The following MISP3 variants were observed in gnomAD, a reference collection of about 807,000 sequenced individuals.
The protein encoded by MISP3 is uncharacterized protein MISP3.
In MISP3, 9 loss-of-function variants were observed where a neutral mutation model predicts 5.5. The observed-to-expected ratio is 1.65, with a 90% CI of 0.99 to 2.87. The LOEUF is 2.87. MISP3 is among the 30% of genes most tolerant of loss of function. MISP3 has a pLI of 0.00. For missense variants in MISP3, 152 were observed against 84.1 expected (o/e 1.81, Z -3.16); for synonymous variants, 87 against 38.1 (o/e 2.28, Z -4.73).
chr19:14,074,585 C>A lies in MISP3; in HGVS notation c.643-121C>A. On this transcript the variant is annotated intron_variant, in intron 2 of 2. Transcript: ENST00000587086. The surrounding 1 kb of genome is among the most constrained non-coding windows in gnomAD (Gnocchi z 4.4). ...AGGGCCACTCTGGTCAGAACTCAGT[C>A]TGGGACGCATCCCCGGGGTGAAGAG... is the stretch of plus-strand genomic sequence containing the variant. 1 of 684,036 alleles carries A rather than the reference C, an allele frequency of 1.5e-6. No individual in the cohort carries two copies. Among genetic ancestry groups the A allele is most frequent in the Non-Finnish European group, 2.7e-6 (1 of 370,308 alleles). 42.4% of individuals were successfully genotyped at this position (684,036 alleles called of 1,614,324 possible). A position where few individuals can be genotyped will look rare whatever the true frequency, so the allele number is the denominator to read the frequency against.
Position 14,072,969 on chromosome 19 carries a change from G to A in MISP3, c.-341G>A. On this transcript the variant is annotated 5_prime_UTR_variant, in exon 1 of 3. Coordinates refer to ENST00000587086, the MANE Select transcript of MISP3 (RefSeq NM_001291291.2). This position sits in a 1 kb window ranked among gnomAD's most constrained non-coding sequence, Gnocchi z 6.8. ...TGAAGAGGAGGGCCAGGAGTCCCCA[G>A]GGCCAGACAGCGAAGCCCCAGAGCT... is the stretch of plus-strand genomic sequence containing the variant. 1 of 477,560 alleles carries A rather than the reference G, an allele frequency of 2.1e-6. No homozygotes were observed. The highest frequency in any genetic ancestry group is 4.1e-6 in the Non-Finnish European group (1 of 241,054). The allele number at this position is 477,560 out of a possible 1,614,324, so 29.6% of individuals were successfully genotyped here.
rs1293990392 is a variant in MISP3, at chr19:14,073,924, C to T, written c.568+47C>T. On this transcript the variant is annotated intron_variant, in intron 1 of 2. Transcript: ENST00000587086. The surrounding 1 kb of genome is among the most constrained non-coding windows in gnomAD (Gnocchi z 8.5). ...GCCGGGACCCCCAGGGTTCCAGCCG[C>T]CCCCACCGATTGCCCAACTTCAGTG... 1 of 688,992 alleles carries T rather than the reference C, an allele frequency of 1.5e-6. No homozygotes were observed. Among genetic ancestry groups the T allele is most frequent in the Non-Finnish European group, 2.6e-6 (1 of 379,384 alleles). The allele number at this position is 688,992 out of a possible 1,614,324, so 42.7% of individuals were successfully genotyped here. A position where few individuals can be genotyped will look rare whatever the true frequency, so the allele number is the denominator to read the frequency against.
In MISP3 at chr19:14,072,858, C is replaced by A; in HGVS notation, c.-452C>A. 1 of 388,170 alleles carries A rather than the reference C, an allele frequency of 2.6e-6. No individual in the cohort carries two copies. The highest frequency in any genetic ancestry group is 1.9e-5 in the South Asian group (1 of 53,864). The allele number at this position is 388,170 out of a possible 1,614,324, so 24.0% of individuals were successfully genotyped here. ...TGTCCTCGCTCTGGGAATCAAAACC[C>A]CGGTTGGGAACTGAGGCTTCCGAAC... is the stretch of plus-strand genomic sequence containing the variant. On this transcript the variant is annotated 5_prime_UTR_variant, in exon 1 of 3. Transcript: ENST00000587086. This position sits in a 1 kb window ranked among gnomAD's most constrained non-coding sequence, Gnocchi z 6.8.
At position 14,074,557 on chromosome 19, in the gene MISP3, T is replaced by C. The variant is rs1976658201; in HGVS notation, c.642+94T>C. On this transcript the variant is annotated intron_variant, in intron 2 of 2. Coordinates refer to ENST00000587086, the MANE Select transcript of MISP3 (RefSeq NM_001291291.2). This position sits in a 1 kb window ranked among gnomAD's most constrained non-coding sequence, Gnocchi z 4.4. ...TTGGTGGGGAAAAGTGCATCCTCCC[T>C]GGAGGGCCACTCTGGTCAGAACTCA... 2 of 682,840 alleles carry C rather than the reference T, an allele frequency of 2.9e-6. No homozygotes were observed. Among genetic ancestry groups the C allele is most frequent in the African/African-American group, 3.5e-5 (2 of 56,850 alleles). The allele number at this position is 682,840 out of a possible 1,614,324, so 42.3% of individuals were successfully genotyped here.
chr19:14,073,138 T>C lies in MISP3; in HGVS notation c.-172T>C. On this transcript the variant is annotated 5_prime_UTR_variant, in exon 1 of 3. Coordinates refer to ENST00000587086, the MANE Select transcript of MISP3 (RefSeq NM_001291291.2). This position sits in a 1 kb window ranked among gnomAD's most constrained non-coding sequence, Gnocchi z 8.5. The stretch of plus-strand genomic sequence containing the variant: ...CCACAGCTGCGGGCTTTGAGAGTCC[T>C]GAGCCAGGCAGAGACGACCCTGGGC... 1 of 666,034 alleles carries C rather than the reference T, an allele frequency of 1.5e-6. No homozygotes were observed. The highest frequency in any genetic ancestry group is 2.8e-6 in the Non-Finnish European group (1 of 361,346). 41.3% of individuals were successfully genotyped at this position (666,034 alleles called of 1,614,324 possible).
Position 14,074,422 on chromosome 19 carries a change from TG to T in MISP3, c.603del (p.Trp201CysfsTer22), listed in dbSNP as rs1568515321. 1.4e-6 allele frequency: 1 copy of T among 702,742 alleles called. No individual in the cohort carries two copies. Among genetic ancestry groups the T allele is most frequent in the African/African-American group, 1.7e-5 (1 of 57,352 alleles). The allele number at this position is 702,742 out of a possible 1,614,324, so 43.5% of individuals were successfully genotyped here. A position where few individuals can be genotyped will look rare whatever the true frequency, so the allele number is the denominator to read the frequency against. ...GGGCGACGGAAAGTTGGTGGTGATC[TG>T]GCCCCCCCGCAGAAAGGTCTCGGAG... ...SRGDGKLVVI[W>X]PPRRKVSENG... On this transcript the variant is annotated frameshift_variant, in exon 2 of 3. Coordinates refer to ENST00000587086, the MANE Select transcript of MISP3 (RefSeq NM_001291291.2). LOFTEE classifies it high-confidence loss of function. This position sits in a 1 kb window ranked among gnomAD's most constrained non-coding sequence, Gnocchi z 4.4.
At position 14,074,699 on chromosome 19, in the gene MISP3, T is replaced by A; in HGVS notation, c.643-7T>A. The A allele has an allele frequency of 1.4e-6, 1 of 702,066 alleles. No individual in the cohort carries two copies. Among genetic ancestry groups the A allele is most frequent in the South Asian group, 1.5e-5 (1 of 67,562 alleles). 43.5% of individuals were successfully genotyped at this position (702,066 alleles called of 1,614,324 possible). On this transcript the variant is annotated splice_polypyrimidine_tract_variant and splice_region_variant and intron_variant, in intron 2 of 2. Transcript: ENST00000587086. The surrounding 1 kb of genome is among the most constrained non-coding windows in gnomAD (Gnocchi z 4.4). ...GGCCGGCCTTCCTTCTGGTCCTCTG[T>A]CCCCAGGAGGAGCGCAAACCTTGAG...
rs1290388774 is a variant in MISP3 at position 14,073,845 on chromosome 19, C to T, written c.536C>T (p.Ala179Val). The T allele has an allele frequency of 1.7e-5, 12 of 701,960 alleles. No homozygotes were observed. The highest frequency in any genetic ancestry group is 2.9e-5 in the Non-Finnish European group (11 of 384,606). The allele number at this position is 701,960 out of a possible 1,614,324, so 43.5% of individuals were successfully genotyped here. ...CAGCGGCGCAGCGTCTATGGCACCG[C>T]GGAGTTCAAGGAGCCTACGCCGAGC... ...QRQRRSVYGT[A>V]EFKEPTPSLT... The change falls in exon 1 of 3, where the codon GCG (alanine) becomes GTG (valine). Residue 179 changes from alanine (A) to valine (V), a missense_variant. Coordinates refer to ENST00000587086, the MANE Select transcript of MISP3 (RefSeq NM_001291291.2). The surrounding 1 kb of genome is among the most constrained non-coding windows in gnomAD (Gnocchi z 8.5).
rs1976609430 is a variant in MISP3, at chr19:14,072,852, A to G, written c.-458A>G. ...GCCCTCTGTCCTCGCTCTGGGAATC[A>G]AAACCCCGGTTGGGAACTGAGGCTT... On this transcript the variant is annotated 5_prime_UTR_variant, in exon 1 of 3. Transcript: ENST00000587086. The surrounding 1 kb of genome is among the most constrained non-coding windows in gnomAD (Gnocchi z 6.8). 5 of 384,018 alleles carry G rather than the reference A, an allele frequency of 1.3e-5. No homozygotes were observed. The highest frequency in any genetic ancestry group is 9.4e-5 in the South Asian group (5 of 52,954). The allele number at this position is 384,018 out of a possible 1,614,324, so 23.8% of individuals were successfully genotyped here.
Position 14,074,278 on chromosome 19 carries a change from G to A in MISP3, c.569-112G>A. On this transcript the variant is annotated intron_variant, in intron 1 of 2. Coordinates refer to ENST00000587086, the MANE Select transcript of MISP3 (RefSeq NM_001291291.2). The surrounding 1 kb of genome is among the most constrained non-coding windows in gnomAD (Gnocchi z 4.4). ...GTTCCTGGGTGCCTGGAGTTGAATGGAGGCTTTCATGGGGAGGCGGAGGGT... is the reference window on the plus strand; with the variant it reads ...GTTCCTGGGTGCCTGGAGTTGAATGAAGGCTTTCATGGGGAGGCGGAGGGT... 1 of 641,132 alleles carries A rather than the reference G, an allele frequency of 1.6e-6. No individual in the cohort carries two copies. 39.7% of individuals were successfully genotyped at this position (641,132 alleles called of 1,614,324 possible). A position where few individuals can be genotyped will look rare whatever the true frequency, so the allele number is the denominator to read the frequency against.
chr19:14,073,953 C>T lies in MISP3; in HGVS notation c.568+76C>T. The stretch of plus-strand genomic sequence containing the variant: ...CACCGATTGCCCAACTTCAGTGGCC[C>T]CTCCTGTGGCCCTCCGATTCTCGGG... On this transcript the variant is annotated intron_variant, in intron 1 of 2. Coordinates refer to ENST00000587086, the MANE Select transcript of MISP3 (RefSeq NM_001291291.2). The surrounding 1 kb of genome is among the most constrained non-coding windows in gnomAD (Gnocchi z 8.5). 3 of 657,130 alleles carry T rather than the reference C, an allele frequency of 4.6e-6. No individual in the cohort carries two copies. The highest frequency in any genetic ancestry group is 8.2e-6 in the Non-Finnish European group (3 of 365,528). The allele number at this position is 657,130 out of a possible 1,614,324, so 40.7% of individuals were successfully genotyped here.
chr19:14,072,882 A>G lies in MISP3; in HGVS notation c.-428A>G, dbSNP rs1487107272. The G allele has an allele frequency of 1.2e-5, 5 of 424,616 alleles. No homozygotes were observed. The highest frequency in any genetic ancestry group is 1.1e-4 in the Admixed American group (4 of 35,746). The allele number at this position is 424,616 out of a possible 1,614,324, so 26.3% of individuals were successfully genotyped here. A position where few individuals can be genotyped will look rare whatever the true frequency, so the allele number is the denominator to read the frequency against. On this transcript the variant is annotated 5_prime_UTR_variant, in exon 1 of 3. Transcript: ENST00000587086. The surrounding 1 kb of genome is among the most constrained non-coding windows in gnomAD (Gnocchi z 6.8). ...CCCGGTTGGGAACTGAGGCTTCCGAACTGCTTCCAACCCTGGACACGAAGG... is the reference window on the plus strand; with the variant it reads ...CCCGGTTGGGAACTGAGGCTTCCGAGCTGCTTCCAACCCTGGACACGAAGG...
rs571247061 is a variant in MISP3 at position 14,073,086 on chromosome 19, A to G, written c.-224A>G. 233 of 629,340 alleles carry G rather than the reference A, an allele frequency of 3.7e-4. No homozygotes were observed. The African/African-American group carries it at 3.9e-3, about 11-fold the overall frequency. The allele number at this position is 629,340 out of a possible 1,614,324, so 39.0% of individuals were successfully genotyped here. On this transcript the variant is annotated 5_prime_UTR_variant, in exon 1 of 3. Transcript: ENST00000587086. The surrounding 1 kb of genome is among the most constrained non-coding windows in gnomAD (Gnocchi z 8.5). ...AGCGAAGTCCTCGAGCCATCAGTCG[A>G]GCAGGACGCAGAGAGCCCCGGGCTG...
At position 14,072,967 on chromosome 19, in the gene MISP3, C is replaced by T. The variant is rs1333287463; in HGVS notation, c.-343C>T. The T allele has an allele frequency of 8.4e-6, 4 of 476,360 alleles. No homozygotes were observed. The highest frequency in any genetic ancestry group is 4.6e-5 in the Admixed American group (2 of 43,040). 29.5% of individuals were successfully genotyped at this position (476,360 alleles called of 1,614,324 possible). A position where few individuals can be genotyped will look rare whatever the true frequency, so the allele number is the denominator to read the frequency against. ...TCTGAAGAGGAGGGCCAGGAGTCCC[C>T]AGGGCCAGACAGCGAAGCCCCAGAG... On this transcript the variant is annotated 5_prime_UTR_variant, in exon 1 of 3. Coordinates refer to ENST00000587086, the MANE Select transcript of MISP3 (RefSeq NM_001291291.2). This position sits in a 1 kb window ranked among gnomAD's most constrained non-coding sequence, Gnocchi z 6.8.
In MISP3 at chr19:14,074,171, G is replaced by T; in HGVS notation, c.569-219G>T. On this transcript the variant is annotated intron_variant, in intron 1 of 2. Transcript: ENST00000587086. This position sits in a 1 kb window ranked among gnomAD's most constrained non-coding sequence, Gnocchi z 4.4. ...TGTCGGGTTCCAGGGAACCCTGACTGGGTTCTGGCACTCCTGGGTCCTCCC... is the reference window on the plus strand; with the variant it reads ...TGTCGGGTTCCAGGGAACCCTGACTTGGTTCTGGCACTCCTGGGTCCTCCC... 1 of 594,940 alleles carries T rather than the reference G, an allele frequency of 1.7e-6. No individual in the cohort carries two copies. The highest frequency in any genetic ancestry group is 4.3e-4 in the Middle Eastern group (1 of 2,316). The allele number at this position is 594,940 out of a possible 1,614,324, so 36.9% of individuals were successfully genotyped here. A position where few individuals can be genotyped will look rare whatever the true frequency, so the allele number is the denominator to read the frequency against.
Position 14,073,568 on chromosome 19 carries a change from C to G in MISP3, c.259C>G (p.Pro87Ala). The change falls in exon 1 of 3, where the codon CCG (proline) becomes GCG (alanine). Residue 87 changes from proline to alanine, a missense_variant. Physicochemically the swap from Pro to Ala is conservative, Grantham distance 27. Coordinates refer to ENST00000587086, the MANE Select transcript of MISP3 (RefSeq NM_001291291.2). The surrounding 1 kb of genome is among the most constrained non-coding windows in gnomAD (Gnocchi z 8.5). ...GCTGGCGCGCCCCGCGGTCCCCGAG[C>G]CGCGCGCCCGGTCGCCGCCGCAGCC... The part of the protein sequence containing the change: ...AALARPAVPE[P>A]RARSPPQPLG... 1 of 251,082 alleles carries G rather than the reference C, an allele frequency of 4.0e-6. No individual in the cohort carries two copies. The highest frequency in any genetic ancestry group is 1.5e-4 in the South Asian group (1 of 6,548). The allele number at this position is 251,082 out of a possible 1,614,324, so 15.6% of individuals were successfully genotyped here.
In MISP3 at chr19:14,074,348, G is replaced by C; in HGVS notation, c.569-42G>C. On this transcript the variant is annotated intron_variant, in intron 1 of 2. Transcript: ENST00000587086. This position sits in a 1 kb window ranked among gnomAD's most constrained non-coding sequence, Gnocchi z 4.4. ...AGGGGTGCGGCCGGCCTTTCATCCT[G>C]GCTGCCGCCAGCTGGTGAGCTGAGC... 1.4e-6 allele frequency: 1 copy of C among 701,158 alleles called. No individual in the cohort carries two copies. The highest frequency in any genetic ancestry group is 1.7e-5 in the African/African-American group (1 of 57,326). 43.4% of individuals were successfully genotyped at this position (701,158 alleles called of 1,614,324 possible).
At position 14,074,072 on chromosome 19, in the gene MISP3, C is replaced by A. The variant is rs763687858; in HGVS notation, c.568+195C>A. ...TACTCGCTGTGATCCACCCCTCCAC[C>A]GGGAGTGATGGACTCTCTGATCCAC... On this transcript the variant is annotated intron_variant, in intron 1 of 2. Transcript: ENST00000587086. This position sits in a 1 kb window ranked among gnomAD's most constrained non-coding sequence, Gnocchi z 4.4. 1.0e-5 allele frequency: 6 copies of A among 596,042 alleles called. No homozygotes were observed. Among genetic ancestry groups the A allele is most frequent in the Non-Finnish European group, 1.5e-5 (5 of 334,716 alleles). 36.9% of individuals were successfully genotyped at this position (596,042 alleles called of 1,614,324 possible). A position where few individuals can be genotyped will look rare whatever the true frequency, so the allele number is the denominator to read the frequency against.
Position 14,073,895 on chromosome 19 carries a change from C to T in MISP3, c.568+18C>T. On this transcript the variant is annotated intron_variant, in intron 1 of 2. Coordinates refer to ENST00000587086, the MANE Select transcript of MISP3 (RefSeq NM_001291291.2). This position sits in a 1 kb window ranked among gnomAD's most constrained non-coding sequence, Gnocchi z 8.5. The stretch of plus-strand genomic sequence containing the variant: ...CCTCACCGGTAAGCCGCGGGCGTAG[C>T]AACGCCGGGACCCCCAGGGTTCCAG... 1.5e-6 allele frequency: 1 copy of T among 661,626 alleles called. No individual in the cohort carries two copies. Among genetic ancestry groups the T allele is most frequent in the South Asian group, 1.5e-5 (1 of 66,394 alleles). 41.0% of individuals were successfully genotyped at this position (661,626 alleles called of 1,614,324 possible). A position where few individuals can be genotyped will look rare whatever the true frequency, so the allele number is the denominator to read the frequency against.
Sources: gnomAD v4.1 joint callset for allele counts on GRCh38, gnomAD v4.1.1 for gene constraint, Gnocchi (gnomAD v3.1) non-coding constraint, MANE v1.5 for transcripts, NCBI Gene and HGNC (gene_info 2026-07-23, HGNC 2026-07-21) for gene names.